AGAP1: variants seen among roughly 807,000 people sequenced by gnomAD.
AGAP1 encodes the protein ArfGAP with GTPase domain, ankyrin repeat and PH domain 1, also known as arf-GAP with GTPase, ANK repeat and PH domain-containing protein 1.
Under a neutral mutation model 105.3 loss-of-function variants are expected in AGAP1, and 29 were observed. The observed-to-expected ratio is 0.28, with a 90% CI of 0.21 to 0.38. The LOEUF (loss-of-function observed/expected upper bound fraction) is 0.38, where lower values mean the gene tolerates loss of function less well. Ranked by LOEUF, AGAP1 falls within the 10% of genes least tolerant of loss-of-function variation. AGAP1 has a pLI of 1.00. For synonymous variants in AGAP1, 509 were observed against 485.9 expected (o/e 1.05, Z -0.63); for missense variants, 998 against 1,165.1 (o/e 0.86, Z 2.09).
In AGAP1 at chr2:235,863,031, C is replaced by T. The variant is rs556343840; in HGVS notation, c.1051-20314C>T. Among the ~76,000 whole-genome samples the T allele has an allele frequency of 2.0e-5, 3 of 152,326 alleles. No homozygotes were observed. The South Asian group carries it at 6.2e-4, about 32-fold the overall frequency. On this transcript the variant is annotated intron_variant, in intron 9 of 17. Transcript: ENST00000304032. Reference sequence around the variant, plus strand: ...CTTTACTGCTCACTGGTTATATTACCTTGCCCAATTACTTAACCTCCATGA... The same window carrying T: ...CTTTACTGCTCACTGGTTATATTACTTTGCCCAATTACTTAACCTCCATGA...
chr2:236,068,560 G>T (rs1295910497), intron 16 of AGAP1, among the ~76,000 whole-genome samples: 7 of 151,926 alleles, frequency 4.6e-5, no homozygotes, highest in African/African-American at 1.7e-4. Flanking sequence ...CAGCACTTTC[G>T]GAGGCCGAGG....
chr2:235,692,658 A>G lies in AGAP1; in HGVS notation c.164-16521A>G, dbSNP rs1949790393. The stretch of plus-strand genomic sequence containing the variant: ...TTCCCCTCGCTGACCCTCAGCCCTC[A>G]GGCCCAGCACCTCAGAGAAGCCGAT... On this transcript the variant is annotated intron_variant, in intron 1 of 17. Transcript: ENST00000304032. This position sits in a 1 kb window ranked among gnomAD's most constrained non-coding sequence, Gnocchi z 5.8. 6.6e-6 allele frequency among the ~76,000 whole-genome samples: 1 copy of G among 151,076 alleles called. No homozygotes were observed. Among genetic ancestry groups the G allele is most frequent in the South Asian group, 2.1e-4 (1 of 4,776 alleles).
At chr2:235,510,929 A>G (rs1942075942) in intron 1 of AGAP1, among the ~76,000 whole-genome samples, 1 of 120,908 alleles carries the variant, frequency 8.3e-6, no homozygotes, top group South Asian at 2.7e-4. Context: ...CTCTGGCCTC[A>G]GTTTCCCTGT....
At chr2:235,667,226 G>C (rs960138549) in intron 1 of AGAP1, among the ~76,000 whole-genome samples, 1 of 152,106 alleles carries the variant, frequency 6.6e-6, no homozygotes, top group Non-Finnish European at 1.5e-5. Context: ...ATTCTTTGAG[G>C]ACAGAACCCC....
chr2:236,040,598 T>C lies in AGAP1; in HGVS notation c.1801-153T>C, dbSNP rs1173694325. ...ATGATTTCTTCTTCAGTTATGCTCT[T>C]TCCCAAAGACATCAAAACAAGAGTG... On this transcript the variant is annotated intron_variant, in intron 14 of 17. Transcript: ENST00000304032. This position sits in a 1 kb window ranked among gnomAD's most constrained non-coding sequence, Gnocchi z 5.6. 1 of 273,070 alleles carries C rather than the reference T, an allele frequency of 3.7e-6. No homozygotes were observed. Among genetic ancestry groups the C allele is most frequent in the Non-Finnish European group, 7.1e-6 (1 of 141,286 alleles). The allele number at this position is 273,070 out of a possible 1,614,324, so 16.9% of individuals were successfully genotyped here.
intron 1 of AGAP1, chr2:235,670,829 C>G: frequency 1.4e-6 from 2 of 1,410,116 alleles, no homozygotes; most frequent in African/African-American, 1.5e-5. Context: ...CAACAGCGAC[C>G]TGCAGCGGCT....
At chr2:235,794,599 G>A (rs1463188838) in intron 6 of AGAP1, among the ~76,000 whole-genome samples, 3 of 152,144 alleles carry the variant, frequency 2.0e-5, no homozygotes, top group Non-Finnish European at 4.4e-5. Flanking sequence ...AGCCTCCCAA[G>A]TAGTTGGGAT....
chr2:236,101,191 G>A lies in AGAP1; in HGVS notation c.2115-19001G>A, dbSNP rs2059337849. ...GTCCTCTCTTAAAATCTCTGTTGTT[G>A]GTACTGTTTGTTTTTGGCTGTTGGA... On this transcript the variant is annotated intron_variant, in intron 16 of 17. Transcript: ENST00000304032. This position sits in a 1 kb window ranked among gnomAD's most constrained non-coding sequence, Gnocchi z 4.9. Among the ~76,000 whole-genome samples, 1 of 151,986 alleles carries A rather than the reference G, an allele frequency of 6.6e-6. No individual in the cohort carries two copies. The highest frequency in any genetic ancestry group is 2.4e-5 in the African/African-American group (1 of 41,364).
At position 236,049,093 on chromosome 2, in the gene AGAP1, C is replaced by G; in HGVS notation, c.1926C>G (p.Leu642=). Residue 642 remains leucine, a synonymous_variant, in exon 16 of 18, where the codon CTC becomes CTG. Coordinates refer to ENST00000304032, the MANE Select transcript of AGAP1 (RefSeq NM_001037131.3). ...PNWASLNLGA[L]MCIECSGIHR... ...GGGCCAGTTTGAACTTGGGAGCCCT[C>G]ATGTGCATCGAATGCTCAGGGATCC... 6.2e-7 allele frequency: 1 copy of G among 1,614,226 alleles called. No individual in the cohort carries two copies. The highest frequency in any genetic ancestry group is 8.5e-7 in the Non-Finnish European group (1 of 1,180,044).
Position 236,098,126 on chromosome 2 carries a change from A to G in AGAP1, c.2115-22066A>G, listed in dbSNP as rs143452801. On this transcript the variant is annotated intron_variant, in intron 16 of 17. Transcript: ENST00000304032. ...TTTCTTCCACATTTTAGCTATTGTG[A>G]ATAATGCTGCTGTGAACGTGGACAT... Among the ~76,000 whole-genome samples the G allele has an allele frequency of 3.1e-3, 479 of 152,296 alleles. 5 individuals carry two copies. The highest frequency in any genetic ancestry group is 0.011 in the African/African-American group (456 of 41,546).
chr2:235,598,447 C>G (rs150604546), intron 1 of AGAP1, among the ~76,000 whole-genome samples: 4 of 152,282 alleles, frequency 2.6e-5, no homozygotes, highest in African/African-American at 9.6e-5. Flanking sequence ...GCCATAGGAG[C>G]TTAACTCTTG....
In AGAP1 at chr2:236,062,335, C is replaced by T. The variant is rs2058221898; in HGVS notation, c.2114+13054C>T. ...GAATGCAGGACGGGCCAGAACCCAC[C>T]CCAGATCTGACCTCCCTAGAGGAAG... On this transcript the variant is annotated intron_variant, in intron 16 of 17. Coordinates refer to ENST00000304032, the MANE Select transcript of AGAP1 (RefSeq NM_001037131.3). The surrounding 1 kb of genome is among the most constrained non-coding windows in gnomAD (Gnocchi z 4.2). Among the ~76,000 whole-genome samples, 1 of 152,050 alleles carries T rather than the reference C, an allele frequency of 6.6e-6. No individual in the cohort carries two copies. Among genetic ancestry groups the T allele is most frequent in the Admixed American group, 6.6e-5 (1 of 15,258 alleles).
chr2:235,518,524 G>T (rs1255894208), intron 1 of AGAP1, among the ~76,000 whole-genome samples: 1 of 152,160 alleles, frequency 6.6e-6, no homozygotes, highest in African/African-American at 2.4e-5. Context: ...CTGACAAAGA[G>T]CCAGGGCGGA....
At chr2:235,821,206 G>A (rs1436572210) in intron 9 of AGAP1, among the ~76,000 whole-genome samples, 1 of 152,146 alleles carries the variant, frequency 6.6e-6, no homozygotes, top group Non-Finnish European at 1.5e-5. Flanking sequence ...AATAGTACCA[G>A]GATGTACAGC....
At chr2:235,807,571 A>G (rs1327340363) in intron 9 of AGAP1, among the ~76,000 whole-genome samples, 1 of 152,238 alleles carries the variant, frequency 6.6e-6, no homozygotes, top group South Asian at 2.1e-4. Flanking sequence ...CTGCATATGG[A>G]GTGCGTTTCC....
At chr2:236,019,474 T>G (rs1230978463) in intron 13 of AGAP1, among the ~76,000 whole-genome samples, 1 of 152,230 alleles carries the variant, frequency 6.6e-6, no homozygotes, top group African/African-American at 2.4e-5. Context: ...TCCTCAGTGC[T>G]GAGAAATTTC....
At chr2:235,836,916 G>A (rs1960231949) in intron 9 of AGAP1, among the ~76,000 whole-genome samples, 1 of 152,136 alleles carries the variant, frequency 6.6e-6, no homozygotes, top group Non-Finnish European at 1.5e-5. Context: ...TCACAATGCA[G>A]GTGTAAAACT....
In AGAP1 at chr2:235,609,100, CAG is replaced by C. The variant is rs914534518; in HGVS notation, c.164-100078_164-100077del. Among the ~76,000 whole-genome samples, 5 of 152,154 alleles carry C rather than the reference CAG, an allele frequency of 3.3e-5. No homozygotes were observed. The highest frequency in any genetic ancestry group is 5.9e-5 in the Non-Finnish European group (4 of 68,030). ...TTGTCATTGGGAAGGATGCTTATCA[CAG>C]GGGGCTGATGAATTTGTTTCCTTCT... is the stretch of plus-strand genomic sequence containing the variant. On this transcript the variant is annotated intron_variant, in intron 1 of 17. Coordinates refer to ENST00000304032, the MANE Select transcript of AGAP1 (RefSeq NM_001037131.3). The surrounding 1 kb of genome is among the most constrained non-coding windows in gnomAD (Gnocchi z 5.1).
Position 235,879,058 on chromosome 2 carries a change from A to G in AGAP1, c.1051-4287A>G, listed in dbSNP as rs189765025. The stretch of plus-strand genomic sequence containing the variant: ...TAGGAACAGGAGACTTTGGCAGCCC[A>G]GCAGCCCAGTGTCCTGGCAGGAGTG... On this transcript the variant is annotated intron_variant, in intron 9 of 17. Coordinates refer to ENST00000304032, the MANE Select transcript of AGAP1 (RefSeq NM_001037131.3). The surrounding 1 kb of genome is among the most constrained non-coding windows in gnomAD (Gnocchi z 5.0). Among the ~76,000 whole-genome samples the G allele has an allele frequency of 2.2e-3, 330 of 152,358 alleles. 2 individuals are homozygous for G. The highest frequency in any genetic ancestry group is 7.6e-3 in the African/African-American group (315 of 41,586).
Sources: allele counts gnomAD v4.1 joint callset (sites outside exome capture counted in the v4.1 genomes callset), GRCh38; gene constraint gnomAD v4.1.1; non-coding constraint Gnocchi (gnomAD v3.1); transcripts MANE v1.5; gene names NCBI Gene and HGNC (gene_info 2026-07-23, HGNC 2026-07-21).